Variants in MANEA observed in about 807,000 individuals in gnomAD.
MANEA encodes the protein glycoprotein endo-alpha-1,2-mannosidase.
In MANEA, 25 loss-of-function variants were observed where a neutral mutation model predicts 36.8. The observed-to-expected ratio is 0.68, with a 90% CI of 0.50 to 0.95. The LOEUF (loss-of-function observed/expected upper bound fraction) is 0.95. Ranked by LOEUF, MANEA falls within the 40% of genes least tolerant of loss-of-function variation. The probability of loss-of-function intolerance (pLI) is 0.00; values close to 1 mark genes in which losing one functional copy is unlikely to be tolerated. For missense variants in MANEA, 565 were observed against 558.8 expected, an observed-to-expected ratio of 1.01 and a Z score of -0.11; for synonymous variants, 198 against 188.5, an observed-to-expected ratio of 1.05 and a Z score of -0.41.
intron 3 of MANEA, among the ~76,000 whole-genome samples, chr6:95,601,529 T>A (rs1339582828): frequency 6.6e-6 from 1 of 152,094 alleles, no homozygotes; most frequent in Non-Finnish European, 1.5e-5. Flanking sequence ...GACAGACACG[T>A]GGAGCTGATT....
At position 95,586,530 on chromosome 6, in the gene MANEA, C is replaced by A; in HGVS notation, c.91C>A (p.Pro31Thr). 1 of 1,613,888 alleles carries A rather than the reference C, an allele frequency of 6.2e-7. No individual in the cohort carries two copies. The highest frequency in any genetic ancestry group is 8.5e-7 in the Non-Finnish European group (1 of 1,179,890). The change falls in exon 2 of 5, where the codon CCA becomes ACA. Residue 31 changes from proline (P) to threonine (T), a missense_variant. By Grantham distance (38) the Pro-to-Thr change is conservative. Transcript: ENST00000358812. ...SLMMGLKMLR[P>T]NTATFGAPFG... ...GATGATGGGTTTAAAAATGCTGAGA[C>A]CAAATACAGCTACTTTTGGAGCTCC...
chr6:95,595,145 T>C (rs573815656), intron 2 of MANEA, among the ~76,000 whole-genome samples: 1 of 152,298 alleles, frequency 6.6e-6, no homozygotes, highest in South Asian at 2.1e-4. Context: ...TGTTTAATAT[T>C]TTTTCTTATT....
intron 1 of MANEA, among the ~76,000 whole-genome samples, chr6:95,581,068 T>TAA (rs1769170946): frequency 2.0e-5 from 3 of 152,318 alleles, no homozygotes; most frequent in African/African-American, 7.2e-5. Flanking sequence ...AGTGAAGTAA[T>TAA]AACTCATTCT....
In MANEA at chr6:95,587,451, GGATCTGATTTCTATCA is replaced by G. The variant is rs148440219; in HGVS notation, c.544+485_544+500del. 5.6e-3 allele frequency: 907 copies of G among 161,124 alleles called. 7 individuals are homozygous for G. The highest frequency in any genetic ancestry group is 9.9e-3 in the Middle Eastern group (3 of 302). 10.0% of individuals were successfully genotyped at this position (161,124 alleles called of 1,614,324 possible). A position where few individuals can be genotyped will look rare whatever the true frequency, so the allele number is the denominator to read the frequency against. ...GCTGAAAACTGTATACATATCAGCT[GGATCTGATTTCTATCA>G]GATCTGATTTCTATCACTGGAGAAT... On this transcript the variant is annotated intron_variant, in intron 2 of 4. Transcript: ENST00000358812.
chr6:95,606,850 T>C lies in MANEA; in HGVS notation c.*445T>C, dbSNP rs1351268374. 2 of 152,286 alleles carry C rather than the reference T, an allele frequency of 1.3e-5. No individual in the cohort carries two copies. Among genetic ancestry groups the C allele is most frequent in the African/African-American group, 4.8e-5 (2 of 41,454 alleles). The allele number at this position is 152,286 out of a possible 1,614,324, so 9.4% of individuals were successfully genotyped here. ...GATAATGTACATGCTTCATGTCATG[T>C]CTTTAAAATAATTTAATCAACTTTA... is the stretch of plus-strand genomic sequence containing the variant. On this transcript the variant is annotated 3_prime_UTR_variant, in exon 5 of 5. Transcript: ENST00000358812.
chr6:95,604,061 G>GGTGTGTGTGTGT (rs71012509), intron 3 of MANEA, among the ~76,000 whole-genome samples: 16,034 of 138,166 alleles, frequency 0.12, 1,058 homozygotes, highest in South Asian at 0.17. Context: ...TATGTATGTA[G>GGTGTGTGTGTGT]GTGTGTGTGT....
At chr6:95,582,258 A>C (rs1197172004) in intron 1 of MANEA, among the ~76,000 whole-genome samples, 1 of 133,732 alleles carries the variant, frequency 7.5e-6, no homozygotes, top group African/African-American at 2.9e-5. Flanking sequence ...ATCTCTGCTC[A>C]CTACAAGCTC....
intron 3 of MANEA, among the ~76,000 whole-genome samples, chr6:95,601,527 C>T (rs192325399): frequency 1.4e-3 from 213 of 152,094 alleles, no homozygotes; most frequent in Middle Eastern, 3.4e-3. Flanking sequence ...ATGACAGACA[C>T]GTGGAGCTGA....
Position 95,586,406 on chromosome 6 carries a change from A to G in MANEA, c.-34A>G, listed in dbSNP as rs771917191. The G allele has an allele frequency of 2.0e-6, 3 of 1,534,312 alleles. No homozygotes were observed. The South Asian group carries it at 3.6e-5, about 19-fold the overall frequency. ...TCTTTTTTCAATAAATTGCAGCAAA[A>G]CACTTACTATTTTGGAGTTTAAAGT... On this transcript the variant is annotated 5_prime_UTR_variant, in exon 2 of 5. Transcript: ENST00000358812.
chr6:95,591,999 G>T (rs181412212), intron 2 of MANEA, among the ~76,000 whole-genome samples: 1 of 152,180 alleles, frequency 6.6e-6, no homozygotes, highest in Non-Finnish European at 1.5e-5. Context: ...ACCGTGTCCA[G>T]CCTGATTATT....
intron 1 of MANEA, among the ~76,000 whole-genome samples, chr6:95,583,913 T>C (rs1002292179): frequency 1.3e-5 from 2 of 152,194 alleles, no homozygotes; most frequent in African/African-American, 4.8e-5. Context: ...TAGTTTAGTG[T>C]TTCTTAAATA....
chr6:95,580,700 G>A (rs1404725716), intron 1 of MANEA, among the ~76,000 whole-genome samples: 3 of 149,080 alleles, frequency 2.0e-5, no homozygotes, highest in African/African-American at 7.5e-5. Flanking sequence ...ACTCCAGCCT[G>A]GGCAACAGAG....
At chr6:95,593,382 G>A (rs1769422404) in intron 2 of MANEA, among the ~76,000 whole-genome samples, 1 of 152,160 alleles carries the variant, frequency 6.6e-6, no homozygotes, top group Non-Finnish European at 1.5e-5. Context: ...TAAGGGAGAA[G>A]AAAGAACATT....
chr6:95,580,507 C>T lies in MANEA; in HGVS notation c.-39+2869C>T, dbSNP rs1313954775. Among the ~76,000 whole-genome samples the T allele has an allele frequency of 4.6e-5, 7 of 151,808 alleles. No individual in the cohort carries two copies. In the East Asian group the frequency reaches 7.7e-4, roughly 17 times the overall value. On this transcript the variant is annotated intron_variant, in intron 1 of 4. Coordinates refer to ENST00000358812, the MANE Select transcript of MANEA (RefSeq NM_024641.4). ...TTGGGAGGCAGAGGCGGGTGGATCA[C>T]GAGGTCAGGAGATCGAGACCATCCT...
chr6:95,579,861 A>C (rs1769146585), intron 1 of MANEA, among the ~76,000 whole-genome samples: 1 of 152,242 alleles, frequency 6.6e-6, no homozygotes, highest in South Asian at 2.1e-4. Context: ...TGTATGAGTA[A>C]TGTAAACAGT....
At chr6:95,604,506 A>T (rs1377087378) in intron 3 of MANEA, among the ~76,000 whole-genome samples, 1 of 152,022 alleles carries the variant, frequency 6.6e-6, no homozygotes, top group Non-Finnish European at 1.5e-5. Flanking sequence ...GATCATCAAT[A>T]TTACCTCCAA....
At chr6:95,584,411 C>T (rs1307051566) in intron 1 of MANEA, among the ~76,000 whole-genome samples, 2 of 152,088 alleles carry the variant, frequency 1.3e-5, no homozygotes, top group Non-Finnish European at 2.9e-5. Context: ...CTATAAGCGG[C>T]CGCTCTGGGA....
At chr6:95,604,409 G>C (rs2127945738) in intron 3 of MANEA, among the ~76,000 whole-genome samples, 1 of 151,758 alleles carries the variant, frequency 6.6e-6, no homozygotes, top group Middle Eastern at 3.4e-3. Flanking sequence ...TATTATATGG[G>C]ATACAAATAT....
chr6:95,599,614 C>T (rs1385847300), intron 3 of MANEA, among the ~76,000 whole-genome samples: 3 of 152,160 alleles, frequency 2.0e-5, no homozygotes, highest in East Asian at 1.9e-4. Context: ...TGAAATATTT[C>T]GTTTCAAATA....
Sources: gnomAD v4.1 joint callset for allele counts (sites outside exome capture counted in the v4.1 genomes callset) on GRCh38, gnomAD v4.1.1 for gene constraint, MANE v1.5 for transcripts, NCBI Gene and HGNC (gene_info 2026-07-23, HGNC 2026-07-21) for gene names.